Variants in CTNNA2 observed in about 807,000 individuals in gnomAD.
CTNNA2 encodes catenin alpha-2.
A neutral mutation model predicts 101.0 loss-of-function variants in CTNNA2; 42 were observed. The ratio of observed to expected loss-of-function variants is 0.42; its 90% CI spans 0.32 to 0.54. The LOEUF (loss-of-function observed/expected upper bound fraction) is 0.54. Among genes scored for constraint, CTNNA2 ranks in the 20% least tolerant of loss-of-function variants. CTNNA2 has a pLI of 0.14. For synonymous variants in CTNNA2, 450 were observed against 456.4 expected (o/e 0.99, Z 0.18); for missense variants, 871 against 1,223.1 (o/e 0.71, Z 4.29).
At chr2:79,947,389 G>A (rs575429816) in intron 7 of CTNNA2, among the ~76,000 whole-genome samples, 2 of 152,174 alleles carry the variant, frequency 1.3e-5, no homozygotes, top group Non-Finnish European at 1.5e-5. Flanking sequence ...GAAATTGAGG[G>A]TTGGAATGCT....
At chr2:79,609,022 T>A (rs575240955) in intron 1 of CTNNA2, among the ~76,000 whole-genome samples, 21 of 152,100 alleles carry the variant, frequency 1.4e-4, no homozygotes, top group African/African-American at 4.8e-4. Flanking sequence ...GAATAATAAG[T>A]GACTTTTGCG....
In CTNNA2 at chr2:80,419,473, A is replaced by G. The variant is rs1175614546; in HGVS notation, c.1162A>G (p.Ile388Val). Residue 388 changes from isoleucine to valine, a missense_variant, in exon 9 of 19, where the codon ATA becomes GTA. Ile to Val is a conservative substitution (Grantham distance 29). Around this residue, in one of 5 missense-constraint regions of CTNNA2, gnomAD observed 647 missense variants for 831.5 expected, o/e 0.78. Transcript: ENST00000402739. ...RQLRKAVMDH[I>V]SDSFLETNVP... ...GCTTCGGAAAGCAGTGATGGATCACATATCTGACTCTTTCCTGGAAACCAA... is the reference window on the plus strand; with the variant it reads ...GCTTCGGAAAGCAGTGATGGATCACGTATCTGACTCTTTCCTGGAAACCAA... 1 of 1,613,046 alleles carries G rather than the reference A, an allele frequency of 6.2e-7. No homozygotes were observed. The highest frequency in any genetic ancestry group is 8.5e-7 in the Non-Finnish European group (1 of 1,179,220).
At chr2:80,081,903 T>C (rs1451924368) in intron 7 of CTNNA2, among the ~76,000 whole-genome samples, 1 of 152,118 alleles carries the variant, frequency 6.6e-6, no homozygotes, top group African/African-American at 2.4e-5. Context: ...TATTTGAAGA[T>C]TGATTATTCT....
At chr2:80,256,125 AT>A in intron 7 of CTNNA2, among the ~76,000 whole-genome samples, 1 of 152,120 alleles carries the variant, frequency 6.6e-6, no homozygotes, top group East Asian at 1.9e-4. Flanking sequence ...CTCTCCCTTT[AT>A]TAATGGGCTT....
chr2:80,396,853 CA>C (rs1479040329), intron 8 of CTNNA2, among the ~76,000 whole-genome samples: 1 of 152,198 alleles, frequency 6.6e-6, no homozygotes, highest in African/African-American at 2.4e-5. Context: ...CTAGCCACCA[CA>C]ATGAGTCCAG....
chr2:79,233,472 C>G (rs1163305869), intron 2 of CTNNA2, among the ~76,000 whole-genome samples: 1 of 152,134 alleles, frequency 6.6e-6, no homozygotes, highest in East Asian at 1.9e-4. Context: ...TATGTCTGAG[C>G]ATATGGCAGG....
intron 7 of CTNNA2, among the ~76,000 whole-genome samples, chr2:80,053,952 G>T (rs1040808360): frequency 6.6e-6 from 1 of 152,182 alleles, no homozygotes; most frequent in African/African-American, 2.4e-5. Context: ...TCAATAAACA[G>T]AAATCATTTT....
At chr2:80,633,197 A>G (rs150358139) in intron 18 of CTNNA2, among the ~76,000 whole-genome samples, 52 of 152,326 alleles carry the variant, frequency 3.4e-4, no homozygotes, top group African/African-American at 1.3e-3. Flanking sequence ...TGCATGACAC[A>G]TTAAAAGATT....
At chr2:79,783,215 T>C (rs925201609) in intron 3 of CTNNA2, among the ~76,000 whole-genome samples, 4 of 152,308 alleles carry the variant, frequency 2.6e-5, no homozygotes, top group East Asian at 1.9e-4. Context: ...ACTGTGCCAA[T>C]GGTGGCCAGG....
intron 2 of CTNNA2, among the ~76,000 whole-genome samples, chr2:79,732,788 T>C: frequency 6.6e-6 from 1 of 152,248 alleles, no homozygotes; most frequent in Middle Eastern, 3.4e-3. Context: ...TTCTGATCCA[T>C]AGGTCACTCT....
chr2:80,054,286 G>T (rs1697071867), intron 7 of CTNNA2, among the ~76,000 whole-genome samples: 1 of 152,166 alleles, frequency 6.6e-6, no homozygotes, highest in African/African-American at 2.4e-5. Flanking sequence ...GTTAGCATTT[G>T]CTTTAGTCAC....
chr2:79,530,752 G>A (rs1041350275), intron 1 of CTNNA2, among the ~76,000 whole-genome samples: 2 of 152,098 alleles, frequency 1.3e-5, no homozygotes, highest in African/African-American at 4.8e-5. Context: ...GAAATTAGAT[G>A]TTGTATGTTT....
intron 1 of CTNNA2, among the ~76,000 whole-genome samples, chr2:79,193,385 A>C (rs1673900160): frequency 1.3e-5 from 2 of 152,144 alleles, no homozygotes; most frequent in African/African-American, 4.8e-5. Flanking sequence ...CTGATACACA[A>C]ATATTTATCA....
intron 7 of CTNNA2, among the ~76,000 whole-genome samples, chr2:80,036,251 CAGAG>C (rs1695640855): frequency 6.6e-6 from 1 of 152,022 alleles, no homozygotes; most frequent in Non-Finnish European, 1.5e-5. Context: ...GAGTCAGAGA[CAGAG>C]AGAATGTGTG....
chr2:80,214,408 G>A (rs1708116059), intron 7 of CTNNA2, among the ~76,000 whole-genome samples: 1 of 152,066 alleles, frequency 6.6e-6, no homozygotes, highest in African/African-American at 2.4e-5. Context: ...GGCAGGCCTG[G>A]TGGTGACAAA....
In CTNNA2 at chr2:79,681,957, C is replaced by T. The variant is rs150827554; in HGVS notation, c.102+30299C>T. 5.3e-5 allele frequency among the ~76,000 whole-genome samples: 8 copies of T among 152,236 alleles called. No individual in the cohort carries two copies. In the East Asian group the frequency reaches 9.7e-4, roughly 18 times the overall value. ...ACTTTAAATTTTATTCTTCTTCCTA[C>T]GAAGTGGAGTTACCATTCAGATTAA... On this transcript the variant is annotated intron_variant, in intron 2 of 18. Transcript: ENST00000402739.
At chr2:79,802,534 C>G (rs893417820) in intron 3 of CTNNA2, among the ~76,000 whole-genome samples, 6 of 152,138 alleles carry the variant, frequency 3.9e-5, no homozygotes, top group African/African-American at 1.4e-4. Context: ...GACTGAACTG[C>G]CTCTGGCCCA....
chr2:80,528,811 T>C (rs1463904390), intron 9 of CTNNA2, among the ~76,000 whole-genome samples: 1 of 152,228 alleles, frequency 6.6e-6, no homozygotes, highest in Non-Finnish European at 1.5e-5. Context: ...GTTTTTACAC[T>C]GATTCTTCGT....
chr2:79,580,865 G>C (rs1558746474), intron 1 of CTNNA2, among the ~76,000 whole-genome samples: 1 of 151,804 alleles, frequency 6.6e-6, no homozygotes, highest in Non-Finnish European at 1.5e-5. Context: ...ATATGCATGA[G>C]AAAAAAAATC....
Sources: gnomAD v4.1 joint callset for allele counts (sites outside exome capture counted in the v4.1 genomes callset) on GRCh38, gnomAD v4.1.1 for gene constraint, gnomAD v4.1.1 regional missense constraint, MANE v1.5 for transcripts, NCBI Gene and HGNC (gene_info 2026-07-23, HGNC 2026-07-21) for gene names.